Variants in CHD7 observed in about 807,000 individuals in gnomAD.
CHD7 encodes the protein ATP-dependent chromatin remodeler CHD7.
In CHD7, 24 loss-of-function variants were observed where a neutral mutation model predicts 307.3. The ratio of observed to expected loss-of-function variants is 0.08; its 90% CI spans 0.06 to 0.11. The LOEUF (loss-of-function observed/expected upper bound fraction) is 0.11. Among genes scored for constraint, CHD7 ranks in the 10% least tolerant of loss-of-function variants. The pLI is 1.00. For synonymous variants in CHD7, 1,363 were observed against 1,349.9 expected (o/e 1.01, Z -0.21); for missense variants, 3,106 against 3,727.1 (o/e 0.83, Z 4.34).
intron 1 of CHD7, among the ~76,000 whole-genome samples, chr8:60,693,534 G>A (rs1391401029): frequency 6.6e-6 from 1 of 152,170 alleles, no homozygotes; most frequent in Non-Finnish European, 1.5e-5. Context: ...CTTGGGCAGG[G>A]CAAGGTTGCC....
chr8:60,801,611 CA>C lies in CHD7; in HGVS notation c.2442+19del. On this transcript the variant is annotated intron_variant, in intron 6 of 37. Transcript: ENST00000423902. Reference sequence around the variant, plus strand: ...AAAAGCAGGTGAGTGCCATTGGAGCCATTAAAATCTGTGAGGTGTATGTGAC... The same window carrying C: ...AAAAGCAGGTGAGTGCCATTGGAGCCTTAAAATCTGTGAGGTGTATGTGAC... 1.3e-6 allele frequency: 2 copies of C among 1,542,046 alleles called. No individual in the cohort carries two copies. The highest frequency in any genetic ancestry group is 1.8e-6 in the Non-Finnish European group (2 of 1,133,516).
intron 2 of CHD7, among the ~76,000 whole-genome samples, chr8:60,750,389 ACC>A (rs1809578152): frequency 6.6e-6 from 1 of 152,038 alleles, no homozygotes; most frequent in Admixed American, 6.6e-5. Context: ...GGAGACAGCA[ACC>A]TCCACCGAGG....
At chr8:60,764,099 C>T (rs542160030) in intron 2 of CHD7, among the ~76,000 whole-genome samples, 21 of 152,158 alleles carry the variant, frequency 1.4e-4, no homozygotes, top group African/African-American at 3.6e-4. Flanking sequence ...GCCATTCTCC[C>T]GCCTAAGCCT....
At chr8:60,712,577 C>A (rs543954839) in intron 1 of CHD7, among the ~76,000 whole-genome samples, 1 of 152,148 alleles carries the variant, frequency 6.6e-6, no homozygotes, top group Non-Finnish European at 1.5e-5. Context: ...CAGCAAATCC[C>A]AGGTAGTATA....
At chr8:60,747,225 G>A (rs1375821274) in intron 2 of CHD7, among the ~76,000 whole-genome samples, 1 of 151,410 alleles carries the variant, frequency 6.6e-6, no homozygotes, top group Non-Finnish European at 1.5e-5. Context: ...ACAGGCACCC[G>A]CCACCACGCC....
intron 3 of CHD7, among the ~76,000 whole-genome samples, chr8:60,782,214 A>C (rs1434175221): frequency 6.6e-6 from 1 of 152,178 alleles, no homozygotes; most frequent in Non-Finnish European, 1.5e-5. Context: ...TTCCAGATGG[A>C]ACTATGGTCA....
chr8:60,834,623 A>T (rs930522070), intron 15 of CHD7, among the ~76,000 whole-genome samples: 1 of 152,206 alleles, frequency 6.6e-6, no homozygotes, highest in Non-Finnish European at 1.5e-5. Context: ...TTAGCTTTTC[A>T]TTCACTTGGA....
At chr8:60,713,724 C>G (rs1278803794) in intron 1 of CHD7, among the ~76,000 whole-genome samples, 1 of 152,102 alleles carries the variant, frequency 6.6e-6, no homozygotes, top group Non-Finnish European at 1.5e-5. Flanking sequence ...CTGTTGCTGC[C>G]TGGGGTAAAC....
chr8:60,703,276 A>G (rs958684609), intron 1 of CHD7, among the ~76,000 whole-genome samples: 1 of 152,206 alleles, frequency 6.6e-6, no homozygotes, highest in African/African-American at 2.4e-5. Flanking sequence ...TAACTCTTGT[A>G]AAACTGAAAT....
chr8:60,743,687 C>A (rs1353453835), intron 2 of CHD7, among the ~76,000 whole-genome samples: 1 of 152,074 alleles, frequency 6.6e-6, no homozygotes. Context: ...ATTTGGATAC[C>A]CAGCACTGAA....
intron 15 of CHD7, 52 bp downstream of exon 15, chr8:60,830,629 A>C (rs1200464661): frequency 6.9e-6 from 11 of 1,589,780 alleles, no homozygotes; most frequent in African/African-American, 1.3e-5. Context: ...AAGCACCAGA[A>C]ATCCCTTTCT....
At chr8:60,691,169 A>G (rs914706975) in intron 1 of CHD7, among the ~76,000 whole-genome samples, 4 of 152,044 alleles carry the variant, frequency 2.6e-5, no homozygotes, top group Non-Finnish European at 1.5e-5. Flanking sequence ...CAGCTGATCC[A>G]CCTCGGCCTC....
In CHD7 at chr8:60,714,406, G is replaced by GCCCCCCCCCCCCCCCCCCCCC. The variant is rs71245516; in HGVS notation, c.-174-26852_-174-26832dup. ...CTGACAACATGGCGGCCGGGAGAAG[G>GCCCCCCCCCCCCCCCCCCCCC]CCCCCCCCCCCCCCCCCCCCCGCCC... On this transcript the variant is annotated intron_variant, in intron 1 of 37. Transcript: ENST00000423902. 2.8e-4 allele frequency among the ~76,000 whole-genome samples: 5 copies of GCCCCCCCCCCCCCCCCCCCCC among 17,622 alleles called. 2 individuals carry two copies. The highest frequency in any genetic ancestry group is 5.7e-4 in the African/African-American group (3 of 5,302). The allele number at this position is 17,622 out of a possible 152,430, so 11.6% of individuals were successfully genotyped here. A position where few individuals can be genotyped will look rare whatever the true frequency, so the allele number is the denominator to read the frequency against.
intron 1 of CHD7, among the ~76,000 whole-genome samples, chr8:60,693,465 C>T (rs925249552): frequency 2.6e-5 from 4 of 152,204 alleles, no homozygotes; most frequent in African/African-American, 7.2e-5. Context: ...GGGGTGCCTT[C>T]CACAGGCAAG....
At chr8:60,823,710 A>C in intron 12 of CHD7, 130 bp from the exon 13 acceptor site, 1 of 772,696 alleles carries the variant, frequency 1.3e-6, no homozygotes, top group South Asian at 1.9e-5. Context: ...ACTTGAAAAC[A>C]GAATGTATGT....
intron 1 of CHD7, among the ~76,000 whole-genome samples, chr8:60,680,250 G>C (rs1805535604): frequency 6.6e-6 from 1 of 151,416 alleles, no homozygotes; most frequent in Non-Finnish European, 1.5e-5. Context: ...TCAGCGGGGA[G>C]AGGAAAGGAG....
intron 13 of CHD7, chr8:60,824,943 C>T (rs974821882): frequency 6.6e-6 from 1 of 152,154 alleles, no homozygotes; most frequent in African/African-American, 2.4e-5. Flanking sequence ...CTTTTCACTC[C>T]ATAGTTTATA....
intron 7 of CHD7, among the ~76,000 whole-genome samples, chr8:60,810,549 TC>T (rs1812752007): frequency 6.6e-6 from 1 of 152,156 alleles, no homozygotes. Context: ...TTCTCTCCTT[TC>T]CCCTTTAATA....
rs549891443 is a variant in CHD7, at chr8:60,862,108, A to G, written c.7831-88A>G. The G allele has an allele frequency of 9.5e-6, 9 of 943,232 alleles. No individual in the cohort carries two copies. The African/African-American group carries it at 1.5e-4, about 16-fold the overall frequency. 58.4% of individuals were successfully genotyped at this position (943,232 alleles called of 1,614,324 possible). ...TTCTTGAAACTTCCATAATAATTGAAGATGATCTGACAGTTCTCTTTGGCA... is the reference window on the plus strand; with the variant it reads ...TTCTTGAAACTTCCATAATAATTGAGGATGATCTGACAGTTCTCTTTGGCA... On this transcript the variant is annotated intron_variant, in intron 35 of 37. Transcript: ENST00000423902.
Sources: allele counts gnomAD v4.1 joint callset (sites outside exome capture counted in the v4.1 genomes callset), GRCh38; gene constraint gnomAD v4.1.1; transcripts MANE v1.5; gene names NCBI Gene and HGNC (gene_info 2026-07-23, HGNC 2026-07-21).